The following RAB38 variants were observed in gnomAD, a reference collection of about 807,000 sequenced individuals.
RAB38 encodes the protein ras-related protein Rab-38.
Under a neutral mutation model 18.4 loss-of-function variants are expected in RAB38, and 15 were observed. The ratio of observed to expected loss-of-function variants is 0.82; its 90% CI spans 0.55 to 1.26. The LOEUF is 1.26. Ranked by LOEUF, RAB38 falls within the 50% of genes most tolerant of loss-of-function variation. The pLI is 0.00. For synonymous variants in RAB38, 101 were observed against 104.4 expected, an observed-to-expected ratio of 0.97 and a Z score of 0.20; for missense variants, 294 against 267.4, an observed-to-expected ratio of 1.10 and a Z score of -0.69.
chr11:88,086,089 A>G, the RAB38 span, among the ~76,000 whole-genome samples: 7,098 of 151,766 alleles, frequency 0.047, 297 homozygotes, highest in South Asian at 0.073. Context: ...AATATAGTTT[A>G]ATAATAATAT....
At chr11:88,073,891 T>C in the RAB38 span, among the ~76,000 whole-genome samples, 1 of 152,006 alleles carries the variant, frequency 6.6e-6, no homozygotes, top group South Asian at 2.1e-4. Context: ...TTTGTTGAAC[T>C]GGAAAATTCA....
the RAB38 span, chr11:87,817,477 C>T: frequency 6.6e-6 from 1 of 152,086 alleles, no homozygotes; most frequent in African/African-American, 2.4e-5. Flanking sequence ...TCGATACTAA[C>T]TTAATTTTTT....
At chr11:88,175,030 T>C (rs763485907) in intron 1 of RAB38, among the ~76,000 whole-genome samples, 153 bp downstream of exon 1, 2 of 152,244 alleles carry the variant, frequency 1.3e-5, no homozygotes, top group African/African-American at 4.8e-5. Flanking sequence ...CAGACGTTTT[T>C]CTTTTCTTTG....
chr11:87,890,599 A>AT, the RAB38 span, among the ~76,000 whole-genome samples: 6,060 of 151,510 alleles, frequency 0.04, 380 homozygotes, highest in African/African-American at 0.14. Flanking sequence ...CAACTGTTGT[A>AT]TTTTTTTTCC....
At chr11:87,908,452 C>G in the RAB38 span, among the ~76,000 whole-genome samples, 1 of 151,922 alleles carries the variant, frequency 6.6e-6, no homozygotes, top group East Asian at 1.9e-4. Flanking sequence ...AAATTTAAGG[C>G]TTCAAGCAGA....
chr11:88,036,423 C>T, the RAB38 span, among the ~76,000 whole-genome samples: 1 of 152,126 alleles, frequency 6.6e-6, no homozygotes, highest in Non-Finnish European at 1.5e-5. Context: ...AACAAAAATT[C>T]AAATACAATA....
At chr11:88,023,347 G>A in the RAB38 span, among the ~76,000 whole-genome samples, 15,815 of 150,338 alleles carry the variant, frequency 0.11, 1,620 homozygotes, top group East Asian at 0.34. Flanking sequence ...AATGAAAGAA[G>A]TGAAAGCTCT....
chr11:87,867,832 C>G, the RAB38 span, among the ~76,000 whole-genome samples: 1 of 151,616 alleles, frequency 6.6e-6, no homozygotes, highest in East Asian at 1.9e-4. Context: ...GATGAAGAAA[C>G]TAAGATCCAG....
chr11:87,870,823 G>C, the RAB38 span, among the ~76,000 whole-genome samples: 3 of 151,576 alleles, frequency 2.0e-5, no homozygotes, highest in Non-Finnish European at 4.4e-5. Flanking sequence ...TCTGGTGTTT[G>C]TGTATGGAAT....
At chr11:88,010,111 G>A in the RAB38 span, among the ~76,000 whole-genome samples, 6 of 152,154 alleles carry the variant, frequency 3.9e-5, no homozygotes, top group Non-Finnish European at 8.8e-5. Context: ...TTATCCACTT[G>A]TGACATCATG....
the RAB38 span, among the ~76,000 whole-genome samples, chr11:87,843,316 G>T: frequency 1.3e-5 from 2 of 152,200 alleles, no homozygotes; most frequent in Admixed American, 1.3e-4. Flanking sequence ...TCTTCTGACA[G>T]AATTACTTTG....
At chr11:88,022,440 C>T in the RAB38 span, among the ~76,000 whole-genome samples, 1 of 151,498 alleles carries the variant, frequency 6.6e-6, no homozygotes, top group East Asian at 1.9e-4. Context: ...GATCTGGACA[C>T]AATAAGATGC....
At chr11:87,864,758 T>G in the RAB38 span, among the ~76,000 whole-genome samples, 1 of 151,796 alleles carries the variant, frequency 6.6e-6, no homozygotes, top group African/African-American at 2.4e-5. Flanking sequence ...AATGGAAGAC[T>G]TTCAAATATT....
chr11:87,844,822 C>G, the RAB38 span, among the ~76,000 whole-genome samples: 2 of 152,128 alleles, frequency 1.3e-5, no homozygotes, highest in African/African-American at 2.4e-5. Flanking sequence ...ATGGGACAGA[C>G]CCAAACCAAC....
At chr11:87,894,110 G>T in the RAB38 span, among the ~76,000 whole-genome samples, 1 of 151,588 alleles carries the variant, frequency 6.6e-6, no homozygotes, top group Non-Finnish European at 1.5e-5. Context: ...TTTCATAGTT[G>T]TCAATGTGTA....
chr11:88,149,566 T>C (rs1306049797), intron 2 of RAB38, 109 bp downstream of exon 2: 18 of 1,304,174 alleles, frequency 1.4e-5, no homozygotes, highest in South Asian at 3.0e-5. Flanking sequence ...GTGAAAACCA[T>C]ACATCACTAA....
At chr11:87,976,456 T>A in the RAB38 span, among the ~76,000 whole-genome samples, 2 of 135,742 alleles carry the variant, frequency 1.5e-5, no homozygotes, top group Non-Finnish European at 3.1e-5. Flanking sequence ...TATTTATAAA[T>A]ATATATATTT....
At chr11:87,881,896 G>A in the RAB38 span, among the ~76,000 whole-genome samples, 8 of 151,844 alleles carry the variant, frequency 5.3e-5, no homozygotes, top group African/African-American at 1.4e-4. Flanking sequence ...TGCTCAATGA[G>A]CAAAGGGCTG....
At chr11:87,945,388 G>A in the RAB38 span, among the ~76,000 whole-genome samples, 1 of 152,158 alleles carries the variant, frequency 6.6e-6, no homozygotes, top group African/African-American at 2.4e-5. Context: ...GGGAAAAAGG[G>A]ATTGAGACTT....
Sources: gnomAD v4.1 joint callset for allele counts (sites outside exome capture counted in the v4.1 genomes callset) on GRCh38, gnomAD v4.1.1 for gene constraint, MANE v1.5 for transcripts, NCBI Gene and HGNC (gene_info 2026-07-23, HGNC 2026-07-21) for gene names.